The following TC2N variants were observed in gnomAD, a reference collection of about 807,000 sequenced individuals.
TC2N encodes the protein tandem C2 domains nuclear protein.
In TC2N, 51 loss-of-function variants were observed where a neutral mutation model predicts 61.9. That is an observed-to-expected ratio of 0.82 (90% confidence interval 0.66 to 1.04). TC2N has a LOEUF of 1.04. TC2N is among the 50% of genes least tolerant of loss of function. The pLI is 0.00. For synonymous variants in TC2N, 204 were observed against 192.6 expected, an observed-to-expected ratio of 1.06 and a Z score of -0.49; for missense variants, 556 against 566.7, an observed-to-expected ratio of 0.98 and a Z score of 0.19.
At position 91,797,798 on chromosome 14, in the gene TC2N, T is replaced by C. The variant is rs753281013; in HGVS notation, c.842A>G (p.Lys281Arg). 8.8e-6 allele frequency: 14 copies of C among 1,599,488 alleles called. No individual in the cohort carries two copies. The African/African-American group carries it at 9.5e-5, about 11-fold the overall frequency. Residue 281 changes from lysine (K) to arginine (R), a missense_variant, in exon 8 of 12, where the codon AAG (lysine) becomes AGG (arginine). Physicochemically the swap from Lys to Arg is conservative, Grantham distance 26 (BLOSUM62 2). Coordinates refer to ENST00000435962, the MANE Select transcript of TC2N (RefSeq NM_001128596.3). ...ACAGCCACTTACGTTGGAACCTTCCTTGGCTGAAGATTTGAAATGCACTGG... is the reference window on the plus strand; with the variant it reads ...ACAGCCACTTACGTTGGAACCTTCCCTGGCTGAAGATTTGAAATGCACTGG... ...PKPVHFKSSA[K>R]EGSNAIEFME...
chr14:91,811,518 T>C (rs1886768026), intron 3 of TC2N, among the ~76,000 whole-genome samples: 1 of 152,074 alleles, frequency 6.6e-6, no homozygotes, highest in Non-Finnish European at 1.5e-5. Context: ...CTCTAATAAT[T>C]TGGCTTCTAC....
At chr14:91,833,629 C>T (rs557758800) in intron 1 of TC2N, among the ~76,000 whole-genome samples, 2 of 152,254 alleles carry the variant, frequency 1.3e-5, no homozygotes, top group South Asian at 2.1e-4. Flanking sequence ...TTTCTCTTTC[C>T]CCTACCCCCA....
Position 91,787,533 on chromosome 14 carries a change from G to A in TC2N, c.1142C>T (p.Ser381Leu), listed in dbSNP as rs777281063. 7.5e-6 allele frequency: 12 copies of A among 1,609,428 alleles called. No homozygotes were observed. Among genetic ancestry groups the A allele is most frequent in the Non-Finnish European group, 8.5e-7 (1 of 1,177,994 alleles). The change falls in exon 10 of 12, where the codon TCA becomes TTA. Residue 381 changes from serine to leucine, a missense_variant. Ser to Leu is a moderately radical substitution (Grantham distance 145, BLOSUM62 -2). Coordinates refer to ENST00000435962, the MANE Select transcript of TC2N (RefSeq NM_001128596.3). ...CTTACTCAAAGTCAGAGGTGTTGAT[G>A]AGCTTGGAAGGTACCGTGCCTCAAG... ...QILEARYLPS[S>L]STPLTLSFFV...
intron 1 of TC2N, among the ~76,000 whole-genome samples, chr14:91,836,912 T>G (rs1311759446): frequency 6.6e-6 from 1 of 152,236 alleles, no homozygotes; most frequent in African/African-American, 2.4e-5. Context: ...CACACTTTAC[T>G]TAGAAGCGGA....
At chr14:91,828,709 T>C (rs1297535807) in intron 1 of TC2N, among the ~76,000 whole-genome samples, 1 of 152,096 alleles carries the variant, frequency 6.6e-6, no homozygotes, top group Non-Finnish European at 1.5e-5. Flanking sequence ...AATAGGATTT[T>C]GCTGATTGCA....
At position 91,801,269 on chromosome 14, in the gene TC2N, GA is replaced by G. The variant is rs748564181; in HGVS notation, c.470-898del. 9.2e-5 allele frequency among the ~76,000 whole-genome samples: 14 copies of G among 151,930 alleles called. No individual in the cohort carries two copies. The East Asian group carries it at 1.2e-3, about 13-fold the overall frequency. ...ATTTTCACTGAATACAGAAAAAAAT[GA>G]AAAAAATATTACTGTATTTAGTACA... is the stretch of plus-strand genomic sequence containing the variant. On this transcript the variant is annotated intron_variant, in intron 4 of 11. Coordinates refer to ENST00000435962, the MANE Select transcript of TC2N (RefSeq NM_001128596.3).
chr14:91,816,317 G>T (rs911617814), intron 1 of TC2N, among the ~76,000 whole-genome samples: 4 of 151,770 alleles, frequency 2.6e-5, no homozygotes, highest in African/African-American at 4.8e-5. Flanking sequence ...ACTTTTGCCA[G>T]TGTGATAGGA....
intron 1 of TC2N, among the ~76,000 whole-genome samples, chr14:91,862,007 A>G (rs1416511536): frequency 1.3e-5 from 2 of 151,782 alleles, no homozygotes; most frequent in East Asian, 1.9e-4. Flanking sequence ...CAGCAACTCA[A>G]TTTTGTAATT....
intron 3 of TC2N, among the ~76,000 whole-genome samples, chr14:91,810,995 G>C (rs966678585): frequency 1.3e-5 from 2 of 152,038 alleles, no homozygotes; most frequent in Non-Finnish European, 2.9e-5. Context: ...TGTAGATCTT[G>C]ATAGAGATTT....
At chr14:91,835,750 GT>G (rs1566785482) in intron 1 of TC2N, among the ~76,000 whole-genome samples, 1 of 152,244 alleles carries the variant, frequency 6.6e-6, no homozygotes, top group Non-Finnish European at 1.5e-5. Flanking sequence ...ACTTCACAAA[GT>G]TTCAGAAACA....
intron 9 of TC2N, among the ~76,000 whole-genome samples, chr14:91,788,638 C>T (rs939405161): frequency 3.3e-5 from 5 of 151,990 alleles, no homozygotes; most frequent in Non-Finnish European, 5.9e-5. Flanking sequence ...AAAACAACAA[C>T]AACAAAAAAA....
chr14:91,826,861 C>T lies in TC2N; in HGVS notation c.-56-13036G>A, dbSNP rs118141869. Among the ~76,000 whole-genome samples, 1,388 of 152,238 alleles carry T rather than the reference C, an allele frequency of 9.1e-3. 9 individuals are homozygous for T. The highest frequency in any genetic ancestry group is 0.015 in the Non-Finnish European group (1,020 of 67,990). The stretch of plus-strand genomic sequence containing the variant: ...GCTTTTACCCTGAAAACAATTTTGT[C>T]TGATAGTTATAGCTATGCAGCTTTC... On this transcript the variant is annotated intron_variant, in intron 1 of 11. Coordinates refer to ENST00000435962, the MANE Select transcript of TC2N (RefSeq NM_001128596.3).
intron 3 of TC2N, 41 bp downstream of exon 3, chr14:91,812,271 G>T (rs1485227989): frequency 1.8e-6 from 2 of 1,101,356 alleles, no homozygotes; most frequent in Non-Finnish European, 2.6e-6. Context: ...GCACTTAAAT[G>T]CTACATATCG....
chr14:91,836,726 G>A (rs529572785), intron 1 of TC2N, among the ~76,000 whole-genome samples: 28 of 145,540 alleles, frequency 1.9e-4, no homozygotes, highest in Non-Finnish European at 4.1e-4. Context: ...CGTCCTCCGC[G>A]ACTCCGCGCT....
intron 3 of TC2N, among the ~76,000 whole-genome samples, chr14:91,810,477 A>G (rs8007195): frequency 0.066 from 10,021 of 152,152 alleles, 996 homozygotes; most frequent in African/African-American, 0.21. Context: ...CCACAACATA[A>G]CATTCAATAT....
chr14:91,802,491 C>T, intron 3 of TC2N, 70 bp from the exon 4 acceptor site: 3 of 1,446,702 alleles, frequency 2.1e-6, no homozygotes, highest in East Asian at 2.4e-5. Flanking sequence ...GCTGGTACAC[C>T]CAGGGTAAAA....
chr14:91,798,292 A>G lies in TC2N; in HGVS notation c.738+7T>C, dbSNP rs777666340. 3 of 1,410,216 alleles carry G rather than the reference A, an allele frequency of 2.1e-6. No homozygotes were observed. Among genetic ancestry groups the G allele is most frequent in the Non-Finnish European group, 2.9e-6 (3 of 1,017,522 alleles). The allele number at this position is 1,410,216 out of a possible 1,614,324, so 87.4% of individuals were successfully genotyped here. A position where few individuals can be genotyped will look rare whatever the true frequency, so the allele number is the denominator to read the frequency against. On this transcript the variant is annotated splice_region_variant and intron_variant, in intron 7 of 11. Transcript: ENST00000435962. ...AATAAAAGCTGGTATTAACTATACT[A>G]ATTTACCTGTAAAACTGTGATCCAG...
chr14:91,800,465 G>A, intron 4 of TC2N, 93 bp from the exon 5 acceptor site: 2 of 610,068 alleles, frequency 3.3e-6, no homozygotes, highest in South Asian at 7.8e-5. Context: ...AATACATCAT[G>A]AATATTTTGT....
intron 11 of TC2N, among the ~76,000 whole-genome samples, chr14:91,783,988 T>C (rs1885244138): frequency 6.6e-6 from 1 of 152,050 alleles, no homozygotes; most frequent in South Asian, 2.1e-4. Flanking sequence ...ATAATCCCAG[T>C]ATGTAAAACA....
Sources: allele counts gnomAD v4.1 joint callset (sites outside exome capture counted in the v4.1 genomes callset), GRCh38; gene constraint gnomAD v4.1.1; transcripts MANE v1.5; gene names NCBI Gene and HGNC (gene_info 2026-07-23, HGNC 2026-07-21).